The following TMEM266 variants were observed in gnomAD, a reference collection of about 807,000 sequenced individuals.
TMEM266 encodes the protein transmembrane protein 266, also known as Hv1 related protein 1.
Under a neutral mutation model 50.5 loss-of-function variants are expected in TMEM266, and 33 were observed. That is an observed-to-expected ratio of 0.65 (90% CI 0.50 to 0.87). TMEM266 has a LOEUF of 0.87. TMEM266 is among the 40% of genes least tolerant of loss of function. The pLI, the probability that TMEM266 is intolerant of heterozygous loss-of-function variation, is 0.00. For missense variants in TMEM266, 655 were observed against 695.1 expected (o/e 0.94, Z 0.65); for synonymous variants, 310 against 292.3 (o/e 1.06, Z -0.62).
intron 6 of TMEM266, among the ~76,000 whole-genome samples, chr15:76,170,658 AG>A (rs1255459497): frequency 6.6e-6 from 1 of 152,182 alleles, no homozygotes; most frequent in Non-Finnish European, 1.5e-5. Flanking sequence ...CTGCCCTGCC[AG>A]GGAGGGATCC....
At chr15:76,198,484 A>G (rs1261897969) in intron 9 of TMEM266, among the ~76,000 whole-genome samples, 15 of 152,032 alleles carry the variant, frequency 9.9e-5, no homozygotes, top group African/African-American at 3.4e-4. Flanking sequence ...CTCCCTTGCC[A>G]CCCCTTCGCT....
intron 1 of TMEM266, among the ~76,000 whole-genome samples, chr15:76,081,285 T>C (rs2955737): frequency 0.82 from 124,694 of 152,162 alleles, 51,210 homozygotes; most frequent in Admixed American, 0.86. Flanking sequence ...TGATGCACTC[T>C]GGTATTCCTT....
intron 7 of TMEM266, among the ~76,000 whole-genome samples, chr15:76,174,505 C>A (rs62030170): frequency 1.3e-5 from 2 of 151,874 alleles, no homozygotes; most frequent in Admixed American, 1.3e-4. Flanking sequence ...GAGCTGAGAT[C>A]GCCCACTGCA....
rs545687899 is a variant in TMEM266, at chr15:76,155,558, A to G, written c.228-1046A>G. 2.3e-3 allele frequency among the ~76,000 whole-genome samples: 355 copies of G among 152,260 alleles called. 17 individuals carry two copies. In the South Asian group the frequency reaches 0.066, roughly 28 times the overall value. ...CTTGCCAGATTCTCACTCTGTGACA[A>G]AGGGTGTCACGGTCCAGCAAGTTTG... On this transcript the variant is annotated intron_variant, in intron 3 of 10. Coordinates refer to ENST00000388942, the MANE Select transcript of TMEM266 (RefSeq NM_152335.3).
intron 3 of TMEM266, among the ~76,000 whole-genome samples, chr15:76,141,750 C>G (rs1214132445): frequency 6.6e-6 from 1 of 152,184 alleles, no homozygotes; most frequent in African/African-American, 2.4e-5. Flanking sequence ...TGTTCCCCCA[C>G]TCCTCCAGCC....
chr15:76,116,896 CTTT>C (rs143849730), intron 1 of TMEM266, among the ~76,000 whole-genome samples: 3 of 131,666 alleles, frequency 2.3e-5, no homozygotes, highest in Non-Finnish European at 1.7e-5. Flanking sequence ...AGCATATCTT[CTTT>C]TTTTTTTTTT....
At chr15:76,090,676 A>G (rs569380353) in intron 1 of TMEM266, among the ~76,000 whole-genome samples, 1 of 152,204 alleles carries the variant, frequency 6.6e-6, no homozygotes, top group East Asian at 1.9e-4. Context: ...GGTAGGGTTA[A>G]AAGTGTCCAC....
At chr15:76,123,064 C>A (rs1350705535) in intron 1 of TMEM266, among the ~76,000 whole-genome samples, 1 of 152,104 alleles carries the variant, frequency 6.6e-6, no homozygotes, top group Non-Finnish European at 1.5e-5. Flanking sequence ...AAAGAGCAAA[C>A]AATAGAAAGT....
chr15:76,145,430 G>A (rs991669852), intron 3 of TMEM266, among the ~76,000 whole-genome samples: 1 of 152,208 alleles, frequency 6.6e-6, no homozygotes, highest in African/African-American at 2.4e-5. Context: ...ATGTCTGGCA[G>A]GTGAGAGTGG....
intron 1 of TMEM266, among the ~76,000 whole-genome samples, chr15:76,117,498 C>T (rs2037269406): frequency 1.3e-5 from 2 of 152,286 alleles, no homozygotes; most frequent in South Asian, 2.1e-4. Flanking sequence ...TCCCACGTAG[C>T]CTGGGTTGCT....
intron 1 of TMEM266, among the ~76,000 whole-genome samples, chr15:76,092,966 C>G (rs935494259): frequency 1.7e-4 from 25 of 151,140 alleles, no homozygotes; most frequent in African/African-American, 6.1e-4. Flanking sequence ...CACCACCACA[C>G]CCAACTAATT....
intron 5 of TMEM266, 98 bp from the exon 6 acceptor site, chr15:76,169,718 A>T (rs976204411): frequency 7.3e-7 from 1 of 1,370,024 alleles, no homozygotes; most frequent in Admixed American, 1.7e-5. Context: ...TTTTCCTTTT[A>T]CTGAATGCAG....
intron 1 of TMEM266, among the ~76,000 whole-genome samples, chr15:76,062,846 A>T (rs1168599352): frequency 1.3e-5 from 2 of 152,170 alleles, no homozygotes; most frequent in Admixed American, 6.5e-5. Context: ...ATTAATGCTT[A>T]AGCATTATTT....
intron 9 of TMEM266, among the ~76,000 whole-genome samples, chr15:76,201,776 T>C (rs577743824): frequency 6.6e-6 from 1 of 152,350 alleles, no homozygotes; most frequent in Admixed American, 6.5e-5. Flanking sequence ...GCCCTGTGGC[T>C]GGCTGTGTCC....
intron 9 of TMEM266, among the ~76,000 whole-genome samples, chr15:76,201,354 C>T (rs2038744637): frequency 1.3e-5 from 2 of 152,158 alleles, no homozygotes; most frequent in Admixed American, 6.5e-5. Context: ...AACTCTCCTC[C>T]CATTCCCTCC....
chr15:76,186,391 C>T (rs1359086771), intron 8 of TMEM266, among the ~76,000 whole-genome samples: 1 of 152,214 alleles, frequency 6.6e-6, no homozygotes, highest in Non-Finnish European at 1.5e-5. Context: ...TGAAGTTCCC[C>T]TGGGCTGTCC....
intron 3 of TMEM266, among the ~76,000 whole-genome samples, chr15:76,143,819 A>G (rs1174951901): frequency 6.6e-6 from 1 of 151,964 alleles, no homozygotes; most frequent in Non-Finnish European, 1.5e-5. Flanking sequence ...ATCCATTCCT[A>G]TTACTTAAAT....
chr15:76,159,255 G>C (rs1027692356), intron 4 of TMEM266, among the ~76,000 whole-genome samples: 1 of 152,228 alleles, frequency 6.6e-6, no homozygotes, highest in African/African-American at 2.4e-5. Context: ...CTGGGCCCCA[G>C]CATCCTGCTT....
chr15:76,157,242 C>T (rs143252299), intron 4 of TMEM266, among the ~76,000 whole-genome samples: 4 of 152,158 alleles, frequency 2.6e-5, no homozygotes, highest in Admixed American at 1.3e-4. Context: ...TTATACGTAT[C>T]GTGATAGTTT....
Sources: allele counts gnomAD v4.1 joint callset (sites outside exome capture counted in the v4.1 genomes callset), GRCh38; gene constraint gnomAD v4.1.1; transcripts MANE v1.5; gene names NCBI Gene and HGNC (gene_info 2026-07-23, HGNC 2026-07-21).